The following CAMSAP1 variants were observed in gnomAD, a reference collection of about 807,000 sequenced individuals.
The protein encoded by CAMSAP1 is calmodulin regulated spectrin associated protein 1.
CAMSAP1 carries 58 observed loss-of-function variants against 143.5 expected under a neutral mutation model. The ratio of observed to expected loss-of-function variants is 0.40; its 90% confidence interval spans 0.33 to 0.50. The LOEUF is 0.50. CAMSAP1 is among the 20% of genes least tolerant of loss of function. The pLI is 0.45. For missense variants in CAMSAP1, 1,969 were observed against 2,115.7 expected, an observed-to-expected ratio of 0.93 and a Z score of 1.36; for synonymous variants, 945 against 859.3, an observed-to-expected ratio of 1.10 and a Z score of -1.74.
At chr9:135,854,583 T>C (rs1323882334) in intron 5 of CAMSAP1, among the ~76,000 whole-genome samples, 1 of 151,952 alleles carries the variant, frequency 6.6e-6, no homozygotes. Context: ...CTGTCTCAGC[T>C]TCCTGAGTAT....
At chr9:135,842,206 C>A (rs1181606003) in intron 7 of CAMSAP1, among the ~76,000 whole-genome samples, 3 of 152,204 alleles carry the variant, frequency 2.0e-5, no homozygotes, top group South Asian at 4.2e-4. Context: ...GAAATATACA[C>A]AAGTATCAGT....
chr9:135,863,639 G>A (rs1273027975), intron 4 of CAMSAP1, among the ~76,000 whole-genome samples: 1 of 152,170 alleles, frequency 6.6e-6, no homozygotes, highest in East Asian at 1.9e-4. Context: ...CAATACTGAT[G>A]TTTAGCAAAA....
chr9:135,868,086 G>T (rs1226306700), intron 3 of CAMSAP1, among the ~76,000 whole-genome samples: 1 of 151,232 alleles, frequency 6.6e-6, no homozygotes, highest in African/African-American at 2.4e-5. Context: ...TTTATATCCA[G>T]CCGTATATTT....
intron 7 of CAMSAP1, chr9:135,849,788 C>T (rs1474362711): frequency 5.9e-6 from 1 of 170,906 alleles, no homozygotes; most frequent in Non-Finnish European, 1.2e-5. Context: ...GAAGATATTC[C>T]TCTATATTAT....
chr9:135,836,692 T>C, intron 7 of CAMSAP1: 1 of 984,248 alleles, frequency 1.0e-6, no homozygotes, highest in Non-Finnish European at 1.2e-6. Flanking sequence ...ACCACGCACT[T>C]CTACCCTGTT....
Position 135,818,957 on chromosome 9 carries a change from G to A in CAMSAP1, c.3959+53C>T, listed in dbSNP as rs1425452734. The A allele has an allele frequency of 5.7e-6, 9 of 1,588,008 alleles. No individual in the cohort carries two copies. The highest frequency in any genetic ancestry group is 2.7e-5 in the African/African-American group (2 of 74,482). Reference sequence around the variant, plus strand: ...GCCAGCAACGGGACCGGGGCCGCCAGGGACCCACCAGGCTCCTGCTCAGTC... The same window carrying A: ...GCCAGCAACGGGACCGGGGCCGCCAAGGACCCACCAGGCTCCTGCTCAGTC... On this transcript the variant is annotated intron_variant, in intron 12 of 16. Coordinates refer to ENST00000389532, the MANE Select transcript of CAMSAP1 (RefSeq NM_015447.4). The surrounding 1 kb of genome is among the most constrained non-coding windows in gnomAD (Gnocchi z 7.7).
At chr9:135,885,815 G>A (rs1467529220) in intron 1 of CAMSAP1, among the ~76,000 whole-genome samples, 1 of 152,114 alleles carries the variant, frequency 6.6e-6, no homozygotes, top group African/African-American at 2.4e-5. Context: ...AAAGATACAA[G>A]CTTCAGACTG....
At chr9:135,863,471 G>A (rs918138028) in intron 4 of CAMSAP1, among the ~76,000 whole-genome samples, 1 of 152,106 alleles carries the variant, frequency 6.6e-6, no homozygotes, top group African/African-American at 2.4e-5. Context: ...CTCCACAGGA[G>A]GAAAATACAC....
intron 4 of CAMSAP1, 71 bp from the exon 5 acceptor site, chr9:135,862,679 C>G: frequency 6.9e-7 from 1 of 1,457,608 alleles, no homozygotes; most frequent in Non-Finnish European, 9.4e-7. Context: ...TACAGGCACA[C>G]TGTTAGATCG....
chr9:135,848,691 G>A (rs1169078917), intron 7 of CAMSAP1, among the ~76,000 whole-genome samples: 1 of 152,218 alleles, frequency 6.6e-6, no homozygotes, highest in Non-Finnish European at 1.5e-5. Context: ...GGGCTGCACA[G>A]CATCTTGTGG....
intron 1 of CAMSAP1, among the ~76,000 whole-genome samples, chr9:135,883,818 T>C (rs2130989094): frequency 6.6e-6 from 1 of 152,302 alleles, no homozygotes; most frequent in East Asian, 1.9e-4. Flanking sequence ...AGAAAGTAAG[T>C]GCTCAAGGCC....
chr9:135,868,999 A>G (rs1367400996), intron 3 of CAMSAP1, among the ~76,000 whole-genome samples: 3 of 152,174 alleles, frequency 2.0e-5, no homozygotes, highest in Admixed American at 2.0e-4. Flanking sequence ...TAACTCAGTG[A>G]AACAATTTTC....
chr9:135,827,409 G>A lies in CAMSAP1; in HGVS notation c.1221C>T (p.Tyr407=), dbSNP rs1489650340. 8 of 1,556,978 alleles carry A rather than the reference G, an allele frequency of 5.1e-6. No individual in the cohort carries two copies. The highest frequency in any genetic ancestry group is 7.0e-6 in the Non-Finnish European group (8 of 1,143,320). The stretch of plus-strand genomic sequence containing the variant: ...TGAAAGCAGAAAGACAGACTTACAG[G>A]TATTCAGGTTCTTCCGGGTGCAGGT... The part of the protein sequence containing the change: ...RHYLHPEEPE[Y]LGKGTAAFSP... The change falls in exon 8 of 17, where the codon TAC becomes TAT. Residue 407 remains tyrosine (Y), a splice_region_variant and synonymous_variant. Transcript: ENST00000389532.
chr9:135,839,636 GC>G (rs1334998714), intron 7 of CAMSAP1, among the ~76,000 whole-genome samples: 2 of 152,294 alleles, frequency 1.3e-5, no homozygotes, highest in African/African-American at 4.8e-5. Context: ...GTTCAGAACT[GC>G]CCATCACAAG....
intron 4 of CAMSAP1, among the ~76,000 whole-genome samples, chr9:135,863,858 G>A (rs1837281223): frequency 6.6e-6 from 1 of 152,190 alleles, no homozygotes; most frequent in African/African-American, 2.4e-5. Flanking sequence ...CTTCCACACA[G>A]ACAGCAGACA....
chr9:135,874,682 A>C (rs1837680486), intron 3 of CAMSAP1, among the ~76,000 whole-genome samples: 3 of 152,094 alleles, frequency 2.0e-5, no homozygotes, highest in Admixed American at 2.0e-4. Context: ...CAAAAAAAAA[A>C]CCTTTATAAT....
intron 7 of CAMSAP1, among the ~76,000 whole-genome samples, chr9:135,829,737 C>T (rs899414869): frequency 4.6e-5 from 7 of 152,020 alleles, no homozygotes; most frequent in Non-Finnish European, 8.8e-5. Context: ...CCTGTAGTCC[C>T]AGCTACTCAG....
rs767495608 is a variant in CAMSAP1 at position 135,868,609 on chromosome 9, A to ATTTTTTTTTT, written c.586-2083_586-2074dup. Among the ~76,000 whole-genome samples the ATTTTTTTTTT allele has an allele frequency of 6.2e-4, 58 of 93,478 alleles. 5 individuals are homozygous for ATTTTTTTTTT. Among genetic ancestry groups the ATTTTTTTTTT allele is most frequent in the African/African-American group, 1.2e-3 (26 of 21,576 alleles). The allele number at this position is 93,478 out of a possible 152,430, so 61.3% of individuals were successfully genotyped here. On this transcript the variant is annotated intron_variant, in intron 3 of 16. Coordinates refer to ENST00000389532, the MANE Select transcript of CAMSAP1 (RefSeq NM_015447.4). ...AAAGGCTTTTCTGATGAGATTGGCA[A>ATTTTTTTTTT]TTTTTTTTTTTTTTTTTTTTTTTTT...
At chr9:135,902,471 C>A (rs1838645691) in intron 1 of CAMSAP1, among the ~76,000 whole-genome samples, 1 of 152,170 alleles carries the variant, frequency 6.6e-6, no homozygotes. Context: ...CAGTTTTACA[C>A]AGGAGGGCAA....
Sources: allele counts gnomAD v4.1 joint callset (sites outside exome capture counted in the v4.1 genomes callset), GRCh38; gene constraint gnomAD v4.1.1; non-coding constraint Gnocchi (gnomAD v3.1); transcripts MANE v1.5; gene names NCBI Gene and HGNC (gene_info 2026-07-23, HGNC 2026-07-21).